Variants in SIRPG observed in about 807,000 individuals in gnomAD.
The protein encoded by SIRPG is signal regulatory protein gamma.
Under a neutral mutation model 35.7 loss-of-function variants are expected in SIRPG, and 38 were observed. The ratio of observed to expected loss-of-function variants is 1.06; its 90% CI spans 0.82 to 1.40. The LOEUF is 1.40. SIRPG is among the 40% of genes most tolerant of loss of function. The pLI is 0.00. For synonymous variants in SIRPG, 215 were observed against 190.4 expected, an observed-to-expected ratio of 1.13 and a Z score of -1.06; for missense variants, 519 against 483.0, an observed-to-expected ratio of 1.07 and a Z score of -0.70.
the SIRPG span, among the ~76,000 whole-genome samples, chr20:1,677,369 T>C: frequency 1.3e-5 from 2 of 152,096 alleles, no homozygotes; most frequent in Non-Finnish European, 2.9e-5. Flanking sequence ...GAGTCATGAG[T>C]AGAAATGATG....
intron 1 of SIRPG, among the ~76,000 whole-genome samples, chr20:1,650,557 G>A (rs949505620): frequency 6.6e-6 from 1 of 151,972 alleles, no homozygotes; most frequent in Non-Finnish European, 1.5e-5. Context: ...ACTGAGATAC[G>A]GATGGAAAAT....
At chr20:1,656,477 GT>G (rs1465550694) in intron 1 of SIRPG, among the ~76,000 whole-genome samples, 1 of 152,200 alleles carries the variant, frequency 6.6e-6, no homozygotes, top group Admixed American at 6.5e-5. Context: ...CAGTGTATGT[GT>G]AAAAAAAATA....
intron 1 of SIRPG, among the ~76,000 whole-genome samples, chr20:1,650,004 G>GTGTATATATATATATATATATATATA (rs774462534): frequency 8.1e-5 from 8 of 98,814 alleles, no homozygotes; most frequent in African/African-American, 2.7e-4. Flanking sequence ...TTTGAAGTGT[G>GTGTATATATATATATATATATATATA]TATATATATA....
intron 2 of SIRPG, among the ~76,000 whole-genome samples, chr20:1,640,786 A>G (rs2091846006): frequency 6.6e-6 from 1 of 152,156 alleles, no homozygotes; most frequent in African/African-American, 2.4e-5. Context: ...ATGTTCCGTT[A>G]ATACCTAATT....
intron 4 of SIRPG, among the ~76,000 whole-genome samples, chr20:1,631,119 A>G (rs2091746599): frequency 6.6e-6 from 1 of 152,206 alleles, no homozygotes; most frequent in Non-Finnish European, 1.5e-5. Context: ...TCAGGCTTTT[A>G]AAATCAACAT....
the SIRPG span, among the ~76,000 whole-genome samples, chr20:1,663,461 G>T: frequency 6.6e-6 from 1 of 152,230 alleles, no homozygotes; most frequent in Non-Finnish European, 1.5e-5. Flanking sequence ...TAACTCAGTG[G>T]TGTACTGGAG....
chr20:1,680,826 T>G, the SIRPG span, among the ~76,000 whole-genome samples: 1 of 140,944 alleles, frequency 7.1e-6, no homozygotes, highest in Non-Finnish European at 1.6e-5. Flanking sequence ...ATACTCATAC[T>G]TTCTTGTTTT....
intron 1 of SIRPG, among the ~76,000 whole-genome samples, chr20:1,656,816 G>A (rs796168253): frequency 4.6e-5 from 7 of 152,268 alleles, no homozygotes; most frequent in South Asian, 2.1e-4. Context: ...AATCCCCAGC[G>A]CCTTAGAATT....
Position 1,657,774 on chromosome 20 carries a change from T to C in SIRPG, c.-60A>G. 2 of 1,503,852 alleles carry C rather than the reference T, an allele frequency of 1.3e-6. No individual in the cohort carries two copies. Among genetic ancestry groups the C allele is most frequent in the South Asian group, 1.2e-5 (1 of 84,996 alleles). 93.2% of individuals were successfully genotyped at this position (1,503,852 alleles called of 1,614,324 possible). A position where few individuals can be genotyped will look rare whatever the true frequency, so the allele number is the denominator to read the frequency against. On this transcript the variant is annotated 5_prime_UTR_variant, in exon 1 of 6. Transcript: ENST00000303415. The stretch of plus-strand genomic sequence containing the variant: ...TCTGTTCTGGGGAGATGTCAGGCCC[T>C]GCTCTGAAGACAGAAGACAAGCCCT...
chr20:1,676,380 C>A, the SIRPG span, among the ~76,000 whole-genome samples: 3 of 152,286 alleles, frequency 2.0e-5, no homozygotes, highest in African/African-American at 7.2e-5. Flanking sequence ...TTGGGAGCAA[C>A]TTACATATTT....
chr20:1,669,430 C>A, the SIRPG span, among the ~76,000 whole-genome samples: 2 of 152,196 alleles, frequency 1.3e-5, no homozygotes, highest in Non-Finnish European at 2.9e-5. Context: ...AGCATCAGGA[C>A]ACAGAAGAGG....
At chr20:1,634,196 C>A (rs1212145159) in intron 4 of SIRPG, among the ~76,000 whole-genome samples, 1 of 146,240 alleles carries the variant, frequency 6.8e-6, no homozygotes, top group African/African-American at 2.6e-5. Flanking sequence ...TGGTCACCTG[C>A]AGGCCTGGTA....
chr20:1,668,200 TTTCTTTCTTTCTTTCTTTC>T, the SIRPG span, among the ~76,000 whole-genome samples: 1 of 11,528 alleles, frequency 8.7e-5, no homozygotes, highest in African/African-American at 2.8e-4. Flanking sequence ...TTTCTTTTCT[TTTCTTTCTTTCTTTCTTTC>T]TTTCTTTCTT....
chr20:1,630,525 T>C (rs2091741592), intron 4 of SIRPG: 3 of 522,574 alleles, frequency 5.7e-6, no homozygotes, highest in Admixed American at 7.1e-5. Context: ...CTTATTCTCC[T>C]GGAGGGAAGA....
intron 4 of SIRPG, among the ~76,000 whole-genome samples, chr20:1,632,605 C>A (rs528309847): frequency 2.0e-5 from 3 of 152,132 alleles, no homozygotes; most frequent in African/African-American, 7.2e-5. Context: ...TTTTACCTCC[C>A]TGAGAAGTAA....
At chr20:1,683,942 C>G in the SIRPG span, among the ~76,000 whole-genome samples, 3 of 150,306 alleles carry the variant, frequency 2.0e-5, no homozygotes, top group Non-Finnish European at 3.0e-5. Context: ...GCACTCCAGC[C>G]TGGACAACAA....
At chr20:1,656,905 T>G (rs1177073943) in intron 1 of SIRPG, among the ~76,000 whole-genome samples, 1 of 152,172 alleles carries the variant, frequency 6.6e-6, no homozygotes, top group Non-Finnish European at 1.5e-5. Context: ...AAATCAGACC[T>G]TGGCGATGCC....
upstream of SIRPG, among the ~76,000 whole-genome samples, chr20:1,660,293 T>C (rs1338432231): frequency 2.0e-5 from 3 of 152,186 alleles, no homozygotes; most frequent in African/African-American, 7.2e-5. Flanking sequence ...GTTAGTAAGC[T>C]GGGTGATTAT....
chr20:1,682,475 A>AT, the SIRPG span, among the ~76,000 whole-genome samples: 1 of 152,220 alleles, frequency 6.6e-6, no homozygotes, highest in Admixed American at 6.5e-5. Flanking sequence ...TTTTTAAGTG[A>AT]TAAAAACTGT....
Sources: allele counts gnomAD v4.1 joint callset (sites outside exome capture counted in the v4.1 genomes callset), GRCh38; gene constraint gnomAD v4.1.1; transcripts MANE v1.5; gene names NCBI Gene and HGNC (gene_info 2026-07-23, HGNC 2026-07-21).